ETNK1: variants seen among roughly 807,000 people sequenced by gnomAD.
ETNK1 encodes ethanolamine kinase 1.
In ETNK1, 8 loss-of-function variants were observed where a neutral mutation model predicts 45.1. The ratio of observed to expected loss-of-function variants is 0.18; its 90% CI spans 0.10 to 0.32. The LOEUF is 0.32. Among genes scored for constraint, ETNK1 ranks in the 10% least tolerant of loss-of-function variants. The pLI is 1.00. For synonymous variants in ETNK1, 152 were observed against 151.9 expected (o/e 1.00, Z -0.01); for missense variants, 302 against 430.6 (o/e 0.70, Z 2.64).
At chr12:22,667,498 A>G (rs1416332511) in intron 4 of ETNK1, among the ~76,000 whole-genome samples, 1 of 152,196 alleles carries the variant, frequency 6.6e-6, no homozygotes, top group East Asian at 1.9e-4. Flanking sequence ...TACATTTAGA[A>G]TGATGAGTGC....
rs777044008 is a variant in ETNK1, at chr12:22,625,591, C to T, written c.156+5C>T. 3.8e-6 allele frequency: 6 copies of T among 1,576,738 alleles called. No individual in the cohort carries two copies. The highest frequency in any genetic ancestry group is 2.7e-5 in the African/African-American group (2 of 74,146). ...CCCCAGGAGGTGACCCTGCAGGTAA[C>T]GCCCACACCTCAGCTCTGGGTCTCT... On this transcript the variant is annotated splice_donor_5th_base_variant and intron_variant, in intron 1 of 7. Transcript: ENST00000266517.
In ETNK1 at chr12:22,625,195, A is replaced by T; in HGVS notation, c.-236A>T. On this transcript the variant is annotated 5_prime_UTR_variant, in exon 1 of 8. Coordinates refer to ENST00000266517, the MANE Select transcript of ETNK1 (RefSeq NM_018638.5). Reference sequence around the variant, plus strand: ...TGCGGCCGCCCGCGGTCCAGCTCCGACAACAGGAATTTTCTCCGAGAGCGG... The same window carrying T: ...TGCGGCCGCCCGCGGTCCAGCTCCGTCAACAGGAATTTTCTCCGAGAGCGG... 1 of 1,608,960 alleles carries T rather than the reference A, an allele frequency of 6.2e-7. No individual in the cohort carries two copies. The highest frequency in any genetic ancestry group is 8.5e-7 in the Non-Finnish European group (1 of 1,177,700).
In ETNK1 at chr12:22,687,435, G is replaced by A. The variant is rs1954270211; in HGVS notation, c.*2481G>A. On this transcript the variant is annotated 3_prime_UTR_variant, in exon 8 of 8. Coordinates refer to ENST00000266517, the MANE Select transcript of ETNK1 (RefSeq NM_018638.5). ...ACTCAACTAGTAGTAAGCTCATTTT[G>A]TAAATATGAAAATGGCTGTAAGAAG... 1 of 152,262 alleles carries A rather than the reference G, an allele frequency of 6.6e-6. No homozygotes were observed. The highest frequency in any genetic ancestry group is 6.6e-5 in the Admixed American group (1 of 15,234). The allele number at this position is 152,262 out of a possible 1,614,324, so 9.4% of individuals were successfully genotyped here. A position where few individuals can be genotyped will look rare whatever the true frequency, so the allele number is the denominator to read the frequency against.
chr12:22,671,105 A>G (rs1358593075), intron 4 of ETNK1, 167 bp from the exon 5 acceptor site: 1 of 587,802 alleles, frequency 1.7e-6, no homozygotes, highest in Non-Finnish European at 3.0e-6. Flanking sequence ...TGTAAAGCTC[A>G]TTGCCATAAA....
In ETNK1 at chr12:22,659,152, A is replaced by G; in HGVS notation, c.555A>G (p.Lys185=). 2.5e-6 allele frequency: 4 copies of G among 1,611,522 alleles called. No individual in the cohort carries two copies. The highest frequency in any genetic ancestry group is 1.1e-5 in the South Asian group (1 of 90,630). Reference sequence around the variant, plus strand: ...GATTTGCAGATGAAGACATTAATAAAAGGTAAAATTATTTTTACATTTGAA... The same window carrying G: ...GATTTGCAGATGAAGACATTAATAAGAGGTAAAATTATTTTTACATTTGAA... ...PTGFADEDIN[K]RFLSDIPSSQ... Residue 185 remains lysine (K), a splice_region_variant and synonymous_variant, in exon 3 of 8, where the codon AAA becomes AAG. Transcript: ENST00000266517.
chr12:22,641,808 C>T (rs756921122), intron 1 of ETNK1, among the ~76,000 whole-genome samples: 37 of 151,936 alleles, frequency 2.4e-4, no homozygotes, highest in Non-Finnish European at 4.1e-4. Flanking sequence ...TTTATTCTAG[C>T]GGTTTCTTTC....
rs1302947073 is a variant in ETNK1 at position 22,688,852 on chromosome 12, A to C, written c.*3898A>C. The C allele has an allele frequency of 6.6e-6, 1 of 151,924 alleles. No individual in the cohort carries two copies. Among genetic ancestry groups the C allele is most frequent in the East Asian group, 1.9e-4 (1 of 5,194 alleles). The allele number at this position is 151,924 out of a possible 1,614,324, so 9.4% of individuals were successfully genotyped here. ...TTACTGGGAATTTAGTTATGTATTA[A>C]GATAACCTGTTTTCAGTTCTTTTTG... On this transcript the variant is annotated 3_prime_UTR_variant, in exon 8 of 8. Coordinates refer to ENST00000266517, the MANE Select transcript of ETNK1 (RefSeq NM_018638.5).
At chr12:22,671,187 G>A (rs1477127816) in intron 4 of ETNK1, 85 bp from the exon 5 acceptor site, 3 of 934,618 alleles carry the variant, frequency 3.2e-6, no homozygotes, top group Non-Finnish European at 5.3e-6. Flanking sequence ...ACAAAATATT[G>A]GAAGCTATTT....
At chr12:22,684,640 T>A in intron 7 of ETNK1, 84 bp downstream of exon 7, 1 of 988,054 alleles carries the variant, frequency 1.0e-6, no homozygotes, top group Non-Finnish European at 1.5e-6. Flanking sequence ...ATATTGTAGT[T>A]ATTTGCAATC....
chr12:22,666,880 A>G (rs532554897), intron 4 of ETNK1, among the ~76,000 whole-genome samples: 1 of 152,280 alleles, frequency 6.6e-6, no homozygotes, highest in African/African-American at 2.4e-5. Context: ...CCATTCTATT[A>G]TTACTCCTGA....
At chr12:22,659,181 A>G in intron 3 of ETNK1, 27 bp downstream of exon 3, 1 of 1,594,100 alleles carries the variant, frequency 6.3e-7, no homozygotes, top group Non-Finnish European at 8.6e-7. Flanking sequence ...ATTTGAAATT[A>G]TGTTTTACAT....
At chr12:22,626,687 C>G (rs1953503187) in intron 1 of ETNK1, among the ~76,000 whole-genome samples, 1 of 152,096 alleles carries the variant, frequency 6.6e-6, no homozygotes, top group Non-Finnish European at 1.5e-5. Context: ...AGTTTCAGTT[C>G]TTATTACCTA....
In ETNK1 at chr12:22,651,984, C is replaced by A. The variant is rs569990692; in HGVS notation, c.417-7030C>A. On this transcript the variant is annotated intron_variant, in intron 2 of 7. Transcript: ENST00000266517. ...TACAGGCGTGAGCCACCACGCCTGG[C>A]CAATTCTATGCTTTTTAAACAACAA... Among the ~76,000 whole-genome samples, 5 of 152,226 alleles carry A rather than the reference C, an allele frequency of 3.3e-5. No individual in the cohort carries two copies. The East Asian group carries it at 7.7e-4, about 24-fold the overall frequency.
At chr12:22,662,657 T>A (rs903036028) in intron 4 of ETNK1, among the ~76,000 whole-genome samples, 4 of 151,190 alleles carry the variant, frequency 2.6e-5, no homozygotes, top group African/African-American at 9.7e-5. Flanking sequence ...CTTGGCCTCC[T>A]AAAGTGCTGG....
At chr12:22,650,010 G>A (rs369389776) in intron 2 of ETNK1, among the ~76,000 whole-genome samples, 4 of 151,974 alleles carry the variant, frequency 2.6e-5, no homozygotes, top group African/African-American at 9.7e-5. Context: ...TATAAATCTT[G>A]TACATAGTTT....
At chr12:22,678,824 C>G (rs907442497) in intron 6 of ETNK1, among the ~76,000 whole-genome samples, 2 of 152,190 alleles carry the variant, frequency 1.3e-5, no homozygotes, top group African/African-American at 4.8e-5. Flanking sequence ...CCTGTAGAGG[C>G]CTGAACTCTG....
Position 22,625,794 on chromosome 12 carries a change from G to A in ETNK1, c.156+208G>A, listed in dbSNP as rs1046137974. The A allele has an allele frequency of 6.4e-6, 5 of 783,064 alleles. No homozygotes were observed. The African/African-American group carries it at 8.5e-5, about 13-fold the overall frequency. 48.5% of individuals were successfully genotyped at this position (783,064 alleles called of 1,614,324 possible). On this transcript the variant is annotated intron_variant, in intron 1 of 7. Transcript: ENST00000266517. ...CAGTTGCTCTTTGAGATTGACCTGA[G>A]GCACATTTTCTCTTTCTAGAAGCCG...
rs559114059 is a variant in ETNK1 at position 22,642,057 on chromosome 12, T to C, written c.157-1706T>C. ...ATTTTTATAAGCTAGATGAAGACAT[T>C]AATGTTGGTAGCTATACGAGTTCTA... On this transcript the variant is annotated intron_variant, in intron 1 of 7. Coordinates refer to ENST00000266517, the MANE Select transcript of ETNK1 (RefSeq NM_018638.5). Among the ~76,000 whole-genome samples the C allele has an allele frequency of 5.3e-5, 8 of 152,272 alleles. No individual in the cohort carries two copies. The East Asian group carries it at 1.5e-3, about 29-fold the overall frequency.
At chr12:22,681,972 A>G (rs1428279568) in intron 6 of ETNK1, among the ~76,000 whole-genome samples, 1 of 152,190 alleles carries the variant, frequency 6.6e-6, no homozygotes, top group Non-Finnish European at 1.5e-5. Flanking sequence ...GTTAGTTGCC[A>G]TGAATAATCT....
Sources: gnomAD v4.1 joint callset for allele counts (sites outside exome capture counted in the v4.1 genomes callset) on GRCh38, gnomAD v4.1.1 for gene constraint, MANE v1.5 for transcripts, NCBI Gene and HGNC (gene_info 2026-07-23, HGNC 2026-07-21) for gene names.